Variants in ZFAT observed in about 807,000 individuals in gnomAD.
The protein encoded by ZFAT is zinc finger protein ZFAT.
Under a neutral mutation model 117.7 loss-of-function variants are expected in ZFAT, and 64 were observed. That is an observed-to-expected ratio of 0.54 (90% CI 0.44 to 0.67). The LOEUF is 0.67. Among genes scored for constraint, ZFAT ranks in the 30% least tolerant of loss-of-function variants. The pLI, the probability that ZFAT is intolerant of heterozygous loss-of-function variation, is 0.00. For missense variants in ZFAT, 1,433 were observed against 1,584.5 expected, an observed-to-expected ratio of 0.90 and a Z score of 1.62; for synonymous variants, 679 against 615.0, an observed-to-expected ratio of 1.10 and a Z score of -1.54.
chr8:134,729,822 G>A, the ZFAT span, among the ~76,000 whole-genome samples: 2,998 of 152,214 alleles, frequency 0.02, 85 homozygotes, highest in African/African-American at 0.067. Flanking sequence ...TGGTTTCCCC[G>A]TTTGTAAAAC....
the ZFAT span, among the ~76,000 whole-genome samples, chr8:134,808,961 A>G: frequency 6.6e-6 from 1 of 152,254 alleles, no homozygotes; most frequent in African/African-American, 2.4e-5. Flanking sequence ...AGGATTTGAC[A>G]GCTAGACTGT....
intron 5 of ZFAT, among the ~76,000 whole-genome samples, chr8:134,608,105 G>A (rs777012980): frequency 7.2e-5 from 11 of 152,164 alleles, no homozygotes; most frequent in Non-Finnish European, 1.3e-4. Context: ...TTTTTAAACT[G>A]TGTACTAAAA....
chr8:134,552,044 G>C (rs906909471), intron 11 of ZFAT, among the ~76,000 whole-genome samples: 1 of 152,132 alleles, frequency 6.6e-6, no homozygotes, highest in East Asian at 1.9e-4. Flanking sequence ...AACTGATAAA[G>C]TTGGAATAAT....
rs935277372 is a variant in ZFAT at position 134,584,035 on chromosome 8, T to C, written c.2714-30A>G. 10 of 1,541,066 alleles carry C rather than the reference T, an allele frequency of 6.5e-6. No individual in the cohort carries two copies. In the African/African-American group the frequency reaches 1.2e-4, roughly 19 times the overall value. On this transcript the variant is annotated intron_variant, in intron 9 of 15. Transcript: ENST00000377838. The stretch of plus-strand genomic sequence containing the variant: ...CAAGGGAAAAATGTATATATCTCTA[T>C]ATATTTACATACGTTTATGCATATG...
At chr8:134,711,359 T>A (rs1006419181) in intron 1 of ZFAT, among the ~76,000 whole-genome samples, 3 of 152,272 alleles carry the variant, frequency 2.0e-5, no homozygotes, top group Non-Finnish European at 2.9e-5. Context: ...TTTCAGACTT[T>A]GGAGCATTTC....
intron 2 of ZFAT, among the ~76,000 whole-genome samples, chr8:134,640,432 CACAG>C (rs1830516496): frequency 6.6e-6 from 1 of 152,140 alleles, no homozygotes; most frequent in African/African-American, 2.4e-5. Context: ...CTCAATGGAG[CACAG>C]ACAGCCACAG....
chr8:134,676,843 A>G (rs976956070), intron 1 of ZFAT, among the ~76,000 whole-genome samples: 28 of 152,234 alleles, frequency 1.8e-4, no homozygotes, highest in Non-Finnish European at 4.4e-5. Flanking sequence ...CTCCTGAATG[A>G]CTACTGGGTA....
Position 134,477,901 on chromosome 8 carries a change from A to AT in ZFAT, c.*580_*581insA. On this transcript the variant is annotated 3_prime_UTR_variant, in exon 16 of 16. Coordinates refer to ENST00000377838, the MANE Select transcript of ZFAT (RefSeq NM_020863.4). ...AATAATTCCAGGATGGTAGGGCGAG[A>AT]CCCTGTGATGGGTGAATTTACCTCA... 1 of 153,410 alleles carries AT rather than the reference A, an allele frequency of 6.5e-6. No individual in the cohort carries two copies. Among genetic ancestry groups the AT allele is most frequent in the Non-Finnish European group, 1.5e-5 (1 of 68,804 alleles). 9.5% of individuals were successfully genotyped at this position (153,410 alleles called of 1,614,324 possible).
At chr8:134,550,927 A>C (rs1823119948) in intron 11 of ZFAT, among the ~76,000 whole-genome samples, 1 of 152,188 alleles carries the variant, frequency 6.6e-6, no homozygotes, top group Non-Finnish European at 1.5e-5. Context: ...GGAACTGAAA[A>C]GCAAGACAAA....
chr8:134,527,394 C>G (rs1237693464), intron 12 of ZFAT, among the ~76,000 whole-genome samples: 1 of 152,146 alleles, frequency 6.6e-6, no homozygotes, highest in Non-Finnish European at 1.5e-5. Context: ...CAGGCACTGA[C>G]AGATACGAAT....
the ZFAT span, among the ~76,000 whole-genome samples, chr8:134,724,159 G>C: frequency 6.6e-6 from 1 of 152,188 alleles, no homozygotes. Context: ...GAACTCCAGA[G>C]GGTGGACATG....
At chr8:134,549,291 A>G (rs1013863340) in intron 11 of ZFAT, among the ~76,000 whole-genome samples, 1 of 152,058 alleles carries the variant, frequency 6.6e-6, no homozygotes, top group African/African-American at 2.4e-5. Context: ...AATACAAAAA[A>G]TTAGCCAGGC....
At position 134,533,119 on chromosome 8, in the gene ZFAT, G is replaced by A. The variant is rs1398193213; in HGVS notation, c.2977-147C>T. On this transcript the variant is annotated intron_variant, in intron 11 of 15. Coordinates refer to ENST00000377838, the MANE Select transcript of ZFAT (RefSeq NM_020863.4). ...TGATATGTTCTAGGGAAAACCACTA[G>A]GGCAGGAATGCTGAGACCTGCCTCT... The A allele has an allele frequency of 9.4e-6, 12 of 1,274,120 alleles. No homozygotes were observed. In the Admixed American group the frequency reaches 3.0e-4, roughly 31 times the overall value. The allele number at this position is 1,274,120 out of a possible 1,614,324, so 78.9% of individuals were successfully genotyped here. A position where few individuals can be genotyped will look rare whatever the true frequency, so the allele number is the denominator to read the frequency against.
intron 1 of ZFAT, among the ~76,000 whole-genome samples, chr8:134,681,814 T>C (rs1274272217): frequency 6.6e-6 from 1 of 152,216 alleles, no homozygotes; most frequent in East Asian, 1.9e-4. Context: ...TAAGGGCCAG[T>C]AGCTTCCCAA....
chr8:134,550,310 G>GA (rs10680896), intron 11 of ZFAT, among the ~76,000 whole-genome samples: 23,371 of 72,270 alleles, frequency 0.32, 3,587 homozygotes, highest in Admixed American at 0.43. Context: ...GGTCACAACG[G>GA]AAAAAAAAAA....
In ZFAT at chr8:134,641,215, C is replaced by G. The variant is rs551785261; in HGVS notation, c.197-3503G>C. Among the ~76,000 whole-genome samples, 27 of 152,208 alleles carry G rather than the reference C, an allele frequency of 1.8e-4. No homozygotes were observed. In the South Asian group the frequency reaches 3.5e-3, roughly 20 times the overall value. On this transcript the variant is annotated intron_variant, in intron 2 of 15. Transcript: ENST00000377838. ...AGGTCCTTTAGCACGTGATCCAACCCTGCACATATGCACACACAGACACAC... is the reference window on the plus strand; with the variant it reads ...AGGTCCTTTAGCACGTGATCCAACCGTGCACATATGCACACACAGACACAC...
chr8:134,503,047 A>G (rs1819112870), intron 15 of ZFAT, among the ~76,000 whole-genome samples: 1 of 152,232 alleles, frequency 6.6e-6, no homozygotes, highest in Admixed American at 6.5e-5. Flanking sequence ...TGCAGGGGAA[A>G]TGCCTGATGT....
At chr8:134,830,171 T>C in the ZFAT span, among the ~76,000 whole-genome samples, 1 of 152,072 alleles carries the variant, frequency 6.6e-6, no homozygotes, top group Non-Finnish European at 1.5e-5. Flanking sequence ...TACAGTTCCC[T>C]TGAAAAAGAG....
At chr8:134,561,498 T>C (rs1824047235) in intron 11 of ZFAT, among the ~76,000 whole-genome samples, 1 of 152,186 alleles carries the variant, frequency 6.6e-6, no homozygotes, top group Non-Finnish European at 1.5e-5. Flanking sequence ...AAAAATTCCA[T>C]ATGGAAAGGA....
Sources: gnomAD v4.1 joint callset for allele counts (sites outside exome capture counted in the v4.1 genomes callset) on GRCh38, gnomAD v4.1.1 for gene constraint, MANE v1.5 for transcripts, NCBI Gene and HGNC (gene_info 2026-07-23, HGNC 2026-07-21) for gene names.